THSD4: variants seen among roughly 807,000 people sequenced by gnomAD.
The protein encoded by THSD4 is thrombospondin type-1 domain-containing protein 4.
THSD4 carries 69 observed loss-of-function variants against 119.0 expected under a neutral mutation model. The observed-to-expected ratio is 0.58, with a 90% CI of 0.48 to 0.71. The LOEUF is 0.71. Among genes scored for constraint, THSD4 ranks in the 30% least tolerant of loss-of-function variants. The probability of loss-of-function intolerance (pLI) is 0.00; values close to 1 mark genes in which losing one functional copy is unlikely to be tolerated. For synonymous variants in THSD4, 524 were observed against 540.4 expected (o/e 0.97, Z 0.42); for missense variants, 1,393 against 1,391.1 (o/e 1.00, Z -0.02).
intron 7 of THSD4, among the ~76,000 whole-genome samples, chr15:71,623,789 G>A (rs192829859): frequency 3.0e-4 from 46 of 152,176 alleles, no homozygotes; most frequent in African/African-American, 1.1e-3. Context: ...CAGGCATGGT[G>A]GCGGGCACCT....
At chr15:71,742,031 G>T (rs1040893911) in intron 11 of THSD4, among the ~76,000 whole-genome samples, 1 of 152,200 alleles carries the variant, frequency 6.6e-6, no homozygotes, top group African/African-American at 2.4e-5. Flanking sequence ...TCTAATGGTC[G>T]TCAGCAGTCA....
At chr15:71,577,349 T>C (rs1024760424) in intron 7 of THSD4, among the ~76,000 whole-genome samples, 1 of 152,200 alleles carries the variant, frequency 6.6e-6, no homozygotes, top group Non-Finnish European at 1.5e-5. Flanking sequence ...TGCAAAGAGA[T>C]GGCCAGAAGA....
intron 2 of THSD4, among the ~76,000 whole-genome samples, chr15:71,143,894 C>T (rs898002240): frequency 1.3e-5 from 2 of 152,006 alleles, no homozygotes; most frequent in African/African-American, 2.4e-5. Context: ...CTGTAATGAT[C>T]TGAGCAGGGT....
At chr15:71,357,202 C>T (rs2045826872) in intron 6 of THSD4, among the ~76,000 whole-genome samples, 1 of 152,206 alleles carries the variant, frequency 6.6e-6, no homozygotes, top group African/African-American at 2.4e-5. Flanking sequence ...TAGCTGGCCC[C>T]ACGGCTTGTG....
chr15:71,442,659 T>TATATATATATATAC (rs2047121278), intron 7 of THSD4, among the ~76,000 whole-genome samples: 1 of 31,606 alleles, frequency 3.2e-5, no homozygotes, highest in African/African-American at 9.8e-5. Flanking sequence ...TGTGTGTGTG[T>TATATATATATATAC]GTATATATAT....
intron 6 of THSD4, among the ~76,000 whole-genome samples, chr15:71,390,081 G>A (rs1369369697): frequency 6.6e-6 from 1 of 152,066 alleles, no homozygotes; most frequent in Non-Finnish European, 1.5e-5. Context: ...GGGATTACAG[G>A]TTCCATTTTT....
At chr15:71,619,308 A>G (rs1428119151) in intron 7 of THSD4, among the ~76,000 whole-genome samples, 3 of 152,146 alleles carry the variant, frequency 2.0e-5, no homozygotes, top group African/African-American at 4.8e-5. Context: ...GCATCTTTAC[A>G]TATCTTACAG....
intron 1 of THSD4, among the ~76,000 whole-genome samples, chr15:71,098,351 AC>A (rs55920978): frequency 1 from 152,017 of 152,018 alleles, 76,008 homozygotes; most frequent in Middle Eastern, 1. Flanking sequence ...CCGTGCCACC[AC>A]CACCCAGCTA....
chr15:71,407,225 A>G (rs2046620861), intron 6 of THSD4, among the ~76,000 whole-genome samples: 1 of 152,156 alleles, frequency 6.6e-6, no homozygotes, highest in African/African-American at 2.4e-5. Flanking sequence ...CAACTCTTAG[A>G]GATAGTTGTC....
chr15:71,576,503 A>G (rs1462797491), intron 7 of THSD4, among the ~76,000 whole-genome samples: 1 of 152,148 alleles, frequency 6.6e-6, no homozygotes, highest in East Asian at 1.9e-4. Flanking sequence ...TTCTGCTACT[A>G]TGTTCTTAGC....
At chr15:71,745,770 G>A (rs79849902) in intron 12 of THSD4, among the ~76,000 whole-genome samples, 5 of 152,178 alleles carry the variant, frequency 3.3e-5, no homozygotes, top group East Asian at 1.9e-4. Flanking sequence ...TCAGCCTCCC[G>A]AGTAGCTGGG....
rs779207517 is a variant in THSD4 at position 71,277,128 on chromosome 15, C to CTTTTTTTTTTTTTTTTTTTTTTTTT, written c.1015+20427_1015+20428insTTTTTTTTTTTTTTTTTTTTTTTTT. 1.9e-4 allele frequency among the ~76,000 whole-genome samples: 23 copies of CTTTTTTTTTTTTTTTTTTTTTTTTT among 123,014 alleles called. 1 individual carries two copies. Among genetic ancestry groups the CTTTTTTTTTTTTTTTTTTTTTTTTT allele is most frequent in the African/African-American group, 6.7e-4 (20 of 29,728 alleles). 80.7% of individuals were successfully genotyped at this position (123,014 alleles called of 152,430 possible). A position where few individuals can be genotyped will look rare whatever the true frequency, so the allele number is the denominator to read the frequency against. Reference sequence around the variant, plus strand: ...TATTTGTATTTGAATTCTTCTTCTTCTTTTTTTTTTTTTTGAAACGGAGTT... The same window carrying CTTTTTTTTTTTTTTTTTTTTTTTTT: ...TATTTGTATTTGAATTCTTCTTCTTCTTTTTTTTTTTTTTTTTTTTTTTTTTTTTTTTTTTTTTTGAAACGGAGTT... On this transcript the variant is annotated intron_variant, in intron 6 of 17. Transcript: ENST00000261862.
At chr15:71,614,139 T>C (rs1209212363) in intron 7 of THSD4, among the ~76,000 whole-genome samples, 5 of 152,216 alleles carry the variant, frequency 3.3e-5, no homozygotes, top group South Asian at 2.1e-4. Flanking sequence ...AACATTTTTC[T>C]GTCTGTCCCA....
chr15:71,366,235 G>A (rs1391037868), intron 6 of THSD4, among the ~76,000 whole-genome samples: 1 of 152,000 alleles, frequency 6.6e-6, no homozygotes, highest in Non-Finnish European at 1.5e-5. Context: ...CTCCATGCCC[G>A]GCTAATTTTT....
intron 6 of THSD4, among the ~76,000 whole-genome samples, chr15:71,281,603 T>G (rs1295291381): frequency 6.6e-6 from 1 of 152,216 alleles, no homozygotes; most frequent in African/African-American, 2.4e-5. Context: ...TACTGCACAT[T>G]TACCCTAGAG....
At chr15:71,404,251 C>T (rs112619392) in intron 6 of THSD4, among the ~76,000 whole-genome samples, 1,772 of 151,792 alleles carry the variant, frequency 0.012, 13 homozygotes, top group Middle Eastern at 0.021. Flanking sequence ...CACATTATCC[C>T]CTCTCTTCAG....
chr15:71,707,414 T>C (rs553406679), intron 8 of THSD4, among the ~76,000 whole-genome samples: 1 of 152,318 alleles, frequency 6.6e-6, no homozygotes, highest in African/African-American at 2.4e-5. Context: ...GTTCTGCACT[T>C]TAGAGTCCAA....
chr15:71,412,611 C>T (rs575936669), intron 7 of THSD4, among the ~76,000 whole-genome samples: 4 of 152,066 alleles, frequency 2.6e-5, no homozygotes, highest in Non-Finnish European at 4.4e-5. Context: ...GCTGGCAGAC[C>T]GATTTTAATC....
At chr15:71,256,902 G>A (rs1012139630) in intron 6 of THSD4, among the ~76,000 whole-genome samples, 187 bp downstream of exon 6, 6 of 152,164 alleles carry the variant, frequency 3.9e-5, no homozygotes, top group Admixed American at 2.6e-4. Flanking sequence ...CTCAGGTGAC[G>A]CCTGGACCAT....
Sources: gnomAD v4.1 joint callset for allele counts (sites outside exome capture counted in the v4.1 genomes callset) on GRCh38, gnomAD v4.1.1 for gene constraint, MANE v1.5 for transcripts, NCBI Gene and HGNC (gene_info 2026-07-23, HGNC 2026-07-21) for gene names.